FRMPD4: variants seen among roughly 807,000 people sequenced by gnomAD.
FRMPD4 encodes the protein FERM and PDZ domain-containing protein 4.
FRMPD4 carries 22 observed loss-of-function variants against 94.1 expected under a neutral mutation model. The ratio of observed to expected loss-of-function variants is 0.23; its 90% CI spans 0.17 to 0.33. FRMPD4 has a LOEUF of 0.33. FRMPD4 is among the 10% of genes least tolerant of loss of function. The probability of loss-of-function intolerance (pLI) is 1.00; values close to 1 mark genes in which losing one functional copy is unlikely to be tolerated. For missense variants in FRMPD4, 1,111 were observed against 1,339.9 expected, an observed-to-expected ratio of 0.83 and a Z score of 2.67; for synonymous variants, 631 against 548.6, an observed-to-expected ratio of 1.15 and a Z score of -2.10.
intron 3 of FRMPD4, among the ~76,000 whole-genome samples, chrX:11,927,849 G>T (rs1035421964): frequency 8.9e-6 from 1 of 111,783 alleles, no homozygotes; most frequent in African/African-American, 3.2e-5. Flanking sequence ...TACAGGTAAA[G>T]ATTTCATGAT....
intron 1 of FRMPD4, among the ~76,000 whole-genome samples, chrX:12,168,416 A>G (rs867822773): frequency 9.1e-6 from 1 of 109,650 alleles, no homozygotes; most frequent in Admixed American, 9.8e-5. Context: ...TCGGAATGCC[A>G]TCTGCATGCA....
intron 1 of FRMPD4, among the ~76,000 whole-genome samples, chrX:12,203,390 A>C (rs1043520847): frequency 1.3e-4 from 14 of 111,969 alleles, no homozygotes; most frequent in African/African-American, 4.5e-4. Context: ...GGTCATTCTC[A>C]GGAAGATGCT....
intron 2 of FRMPD4, among the ~76,000 whole-genome samples, chrX:12,594,070 G>T (rs1418242930): frequency 9.1e-6 from 1 of 110,052 alleles, no homozygotes; most frequent in African/African-American, 3.3e-5. Context: ...TTTTCTTTTT[G>T]AATTCTACAA....
At chrX:12,388,209 G>A (rs1296428418) in intron 1 of FRMPD4, among the ~76,000 whole-genome samples, 2 of 111,591 alleles carry the variant, frequency 1.8e-5, no homozygotes, top group Non-Finnish European at 1.9e-5. Flanking sequence ...AACTCACTGA[G>A]CTATACACTT....
At chrX:11,847,295 T>C (rs2053583385) in intron 1 of FRMPD4, among the ~76,000 whole-genome samples, 1 of 107,565 alleles carries the variant, frequency 9.3e-6, no homozygotes, top group Non-Finnish European at 1.9e-5. Context: ...TCACCATCAC[T>C]GGCCATCAGA....
At chrX:12,069,011 A>G (rs1053576818) in intron 3 of FRMPD4, among the ~76,000 whole-genome samples, 1 of 112,262 alleles carries the variant, frequency 8.9e-6, no homozygotes, top group African/African-American at 3.2e-5. Context: ...TTTTGAAGAA[A>G]AATCAAGAGC....
chrX:12,549,810 T>C (rs941136548), intron 2 of FRMPD4, among the ~76,000 whole-genome samples: 2 of 112,616 alleles, frequency 1.8e-5, no homozygotes, highest in African/African-American at 6.4e-5. Context: ...CCTTACTTTC[T>C]ACCTTTTTGG....
At chrX:12,244,970 C>T (rs970799100) in intron 1 of FRMPD4, among the ~76,000 whole-genome samples, 1 of 112,305 alleles carries the variant, frequency 8.9e-6, no homozygotes, top group Non-Finnish European at 1.9e-5. Flanking sequence ...CTGTGAGGGG[C>T]GTAAAGTTTT....
intron 3 of FRMPD4, among the ~76,000 whole-genome samples, chrX:11,892,061 A>C (rs935347699): frequency 3.6e-5 from 4 of 112,300 alleles, no homozygotes; most frequent in African/African-American, 6.5e-5. Flanking sequence ...ATGTGTGTAC[A>C]TGTGATTGTG....
intron 1 of FRMPD4, among the ~76,000 whole-genome samples, chrX:11,831,989 G>T (rs1601791213): frequency 8.9e-6 from 1 of 111,907 alleles, no homozygotes; most frequent in East Asian, 2.8e-4. Flanking sequence ...AGAGGAAAAT[G>T]ACCTGGGCAC....
At chrX:12,067,846 G>T (rs1157457070) in intron 3 of FRMPD4, among the ~76,000 whole-genome samples, 1 of 112,159 alleles carries the variant, frequency 8.9e-6, no homozygotes, top group Non-Finnish European at 1.9e-5. Context: ...GTACTTAACT[G>T]TTGTATAGGC....
intron 1 of FRMPD4, among the ~76,000 whole-genome samples, chrX:11,848,959 C>G: frequency 9.0e-6 from 1 of 110,997 alleles, no homozygotes; most frequent in East Asian, 2.8e-4. Context: ...CTAGTCCGAG[C>G]AATAAAGCAA....
At chrX:12,141,119 G>A (rs931820472) in intron 1 of FRMPD4, among the ~76,000 whole-genome samples, 1 of 112,185 alleles carries the variant, frequency 8.9e-6, no homozygotes, top group African/African-American at 3.2e-5. Flanking sequence ...TCTTGTATGT[G>A]TTTTAAACAC....
intron 1 of FRMPD4, among the ~76,000 whole-genome samples, chrX:12,472,233 T>C (rs1324741704): frequency 8.9e-6 from 1 of 112,326 alleles, no homozygotes; most frequent in African/African-American, 3.2e-5. Flanking sequence ...CAAATCTACT[T>C]GCCATCACTA....
At chrX:11,958,574 C>A (rs1310812088) in intron 3 of FRMPD4, among the ~76,000 whole-genome samples, 1 of 111,843 alleles carries the variant, frequency 8.9e-6, no homozygotes, top group Non-Finnish European at 1.9e-5. Flanking sequence ...CTCCTGATTT[C>A]ATGGAAGGTC....
chrX:12,353,705 G>A (rs2055849442), intron 1 of FRMPD4, among the ~76,000 whole-genome samples: 2 of 112,479 alleles, frequency 1.8e-5, no homozygotes, highest in African/African-American at 3.2e-5. Context: ...GGCTTCTGAT[G>A]TCTAACATCT....
chrX:12,247,501 G>A (rs2053972630), intron 1 of FRMPD4, among the ~76,000 whole-genome samples: 1 of 111,866 alleles, frequency 8.9e-6, no homozygotes, highest in Non-Finnish European at 1.9e-5. Context: ...GTTCACACTG[G>A]TGCATGTATG....
chrX:12,713,609 A>C (rs1303060273), intron 14 of FRMPD4, among the ~76,000 whole-genome samples: 5 of 111,447 alleles, frequency 4.5e-5, no homozygotes, highest in Non-Finnish European at 9.4e-5. Flanking sequence ...CTAAGGGCTG[A>C]AAGTACTCTC....
intron 1 of FRMPD4, among the ~76,000 whole-genome samples, chrX:11,851,315 A>T (rs1220002249): frequency 1.8e-5 from 2 of 111,755 alleles, no homozygotes; most frequent in Non-Finnish European, 3.8e-5. Context: ...CCAGAAATGA[A>T]TCTGTCTCCA....
Sources: gnomAD v4.1 joint callset for allele counts (sites outside exome capture counted in the v4.1 genomes callset) on GRCh38, gnomAD v4.1.1 for gene constraint, MANE v1.5 for transcripts, NCBI Gene and HGNC (gene_info 2026-07-23, HGNC 2026-07-21) for gene names.